The following PCMTD1 variants were observed in gnomAD, a reference collection of about 807,000 sequenced individuals.
PCMTD1 encodes protein-L-isoaspartate O-methyltransferase domain-containing protein 1.
In PCMTD1, 12 loss-of-function variants were observed where a neutral mutation model predicts 37.6. The ratio of observed to expected loss-of-function variants is 0.32; its 90% CI spans 0.20 to 0.52. The LOEUF (loss-of-function observed/expected upper bound fraction) is 0.52. Ranked by LOEUF, PCMTD1 falls within the 20% of genes least tolerant of loss-of-function variation. The probability of loss-of-function intolerance (pLI) is 0.97; values close to 1 mark genes in which losing one functional copy is unlikely to be tolerated. For synonymous variants in PCMTD1, 117 were observed against 135.8 expected (o/e 0.86, Z 0.96); for missense variants, 235 against 421.3 (o/e 0.56, Z 3.87).
At chr8:51,896,724 T>G (rs1407175585) in intron 1 of PCMTD1, among the ~76,000 whole-genome samples, 1 of 152,210 alleles carries the variant, frequency 6.6e-6, no homozygotes, top group Non-Finnish European at 1.5e-5. Flanking sequence ...CTATTTTAAA[T>G]GCATGTGATT....
At chr8:51,855,294 A>G (rs1438041249) in intron 2 of PCMTD1, among the ~76,000 whole-genome samples, 4 of 151,448 alleles carry the variant, frequency 2.6e-5, no homozygotes, top group African/African-American at 9.7e-5. Flanking sequence ...TTGGGAGGCC[A>G]AAGTGGGCAG....
intron 1 of PCMTD1, among the ~76,000 whole-genome samples, chr8:51,866,575 C>A (rs1217523753): frequency 6.6e-6 from 1 of 151,736 alleles, no homozygotes; most frequent in African/African-American, 2.4e-5. Context: ...TGGATATCCA[C>A]AAGCAGAAGA....
At chr8:51,871,811 C>T (rs1011755695) in intron 1 of PCMTD1, among the ~76,000 whole-genome samples, 1 of 152,198 alleles carries the variant, frequency 6.6e-6, no homozygotes, top group African/African-American at 2.4e-5. Context: ...AGTCGAAGTA[C>T]ATGAAGTATA....
intron 1 of PCMTD1, among the ~76,000 whole-genome samples, chr8:51,897,779 C>CAG (rs2129297510): frequency 6.6e-6 from 1 of 152,148 alleles, no homozygotes; most frequent in African/African-American, 2.4e-5. Context: ...CCCAAGCCTA[C>CAG]GTAGATTGGA....
chr8:51,834,423 A>G (rs1292479086), intron 3 of PCMTD1, among the ~76,000 whole-genome samples: 1 of 152,194 alleles, frequency 6.6e-6, no homozygotes, highest in African/African-American at 2.4e-5. Context: ...GCTTTTACAA[A>G]CTATCCTATT....
intron 1 of PCMTD1, among the ~76,000 whole-genome samples, chr8:51,864,830 G>A (rs1327513002): frequency 1.3e-5 from 2 of 151,884 alleles, no homozygotes; most frequent in African/African-American, 4.8e-5. Context: ...TTAGCAGAAA[G>A]AATGAGATAA....
At chr8:51,839,785 TG>T in intron 3 of PCMTD1, 1 of 256,734 alleles carries the variant, frequency 3.9e-6, no homozygotes, top group Non-Finnish European at 6.1e-6. Context: ...TTCAAGGACG[TG>T]GAAAAGAATC....
At chr8:51,845,817 GCT>G (rs2038210128) in intron 2 of PCMTD1, 54 bp from the exon 3 acceptor site, 25 of 1,281,288 alleles carry the variant, frequency 2.0e-5, no homozygotes, top group South Asian at 2.5e-5. Flanking sequence ...CCCTTACAGA[GCT>G]CTTTTTTAAG....
intron 2 of PCMTD1, among the ~76,000 whole-genome samples, chr8:51,854,376 GA>G (rs61269395): frequency 0.69 from 104,185 of 150,772 alleles, 42,197 homozygotes; most frequent in Non-Finnish European, 0.9. Context: ...GTGAGAGGGG[GA>G]AAAAAAAAAT....
chr8:51,898,808 A>G, intron 1 of PCMTD1, 122 bp downstream of exon 1: 1 of 867,536 alleles, frequency 1.2e-6, no homozygotes, highest in Non-Finnish European at 1.4e-6. Context: ...CCTGCCCCCG[A>G]CTCTTCGGCT....
intron 2 of PCMTD1, among the ~76,000 whole-genome samples, chr8:51,857,817 C>T (rs2038413536): frequency 6.6e-6 from 1 of 152,054 alleles, no homozygotes; most frequent in Admixed American, 6.6e-5. Context: ...GTGCTTTAAT[C>T]CTAAGAAATT....
At chr8:51,868,030 C>T (rs948718548) in intron 1 of PCMTD1, among the ~76,000 whole-genome samples, 3 of 152,064 alleles carry the variant, frequency 2.0e-5, no homozygotes, top group Non-Finnish European at 2.9e-5. Flanking sequence ...AATTTTTTAA[C>T]TGGCCTGATT....
chr8:51,891,429 C>T (rs2038934469), intron 1 of PCMTD1, among the ~76,000 whole-genome samples: 1 of 151,956 alleles, frequency 6.6e-6, no homozygotes, highest in Admixed American at 6.6e-5. Flanking sequence ...CATCGTGGCA[C>T]ATGCCTGTAA....
intron 3 of PCMTD1, among the ~76,000 whole-genome samples, chr8:51,837,246 C>G (rs2038081999): frequency 6.6e-6 from 1 of 152,232 alleles, no homozygotes; most frequent in African/African-American, 2.4e-5. Flanking sequence ...CTAGTAATTG[C>G]AACTCCACTT....
At chr8:51,887,092 C>G (rs1215228760) in intron 1 of PCMTD1, among the ~76,000 whole-genome samples, 1 of 152,026 alleles carries the variant, frequency 6.6e-6, no homozygotes, top group African/African-American at 2.4e-5. Context: ...TTTTAAGGAC[C>G]CTTATGATTA....
intron 3 of PCMTD1, among the ~76,000 whole-genome samples, chr8:51,834,181 G>C (rs1585793942): frequency 1.3e-5 from 2 of 152,148 alleles, no homozygotes; most frequent in Admixed American, 1.3e-4. Context: ...AAAAAGATAC[G>C]AGTGTCCTGA....
At chr8:51,826,795 G>A (rs1333915496) in intron 5 of PCMTD1, 1 of 519,338 alleles carries the variant, frequency 1.9e-6, no homozygotes, top group African/African-American at 2.1e-5. Flanking sequence ...AGTCTCTTAT[G>A]CCCCTGAACT....
intron 3 of PCMTD1, among the ~76,000 whole-genome samples, chr8:51,834,315 G>A (rs2038037079): frequency 6.6e-6 from 1 of 152,090 alleles, no homozygotes; most frequent in Non-Finnish European, 1.5e-5. Flanking sequence ...CTTTGGCCCC[G>A]ATGATCTCCC....
intron 2 of PCMTD1, among the ~76,000 whole-genome samples, chr8:51,856,939 A>G (rs180848993): frequency 6.6e-6 from 1 of 152,342 alleles, no homozygotes; most frequent in African/African-American, 2.4e-5. Context: ...AAATCACTGA[A>G]TTGTACTCTT....
Sources: gnomAD v4.1 joint callset for allele counts (sites outside exome capture counted in the v4.1 genomes callset) on GRCh38, gnomAD v4.1.1 for gene constraint, MANE v1.5 for transcripts, NCBI Gene and HGNC (gene_info 2026-07-23, HGNC 2026-07-21) for gene names.